Variants in CDH13 observed in about 807,000 individuals in gnomAD.
CDH13 encodes the protein cadherin-13.
CDH13 carries 24 observed loss-of-function variants against 63.8 expected under a neutral mutation model. That is an observed-to-expected ratio of 0.38 (90% CI 0.27 to 0.53). CDH13 has a LOEUF of 0.53. Ranked by LOEUF, CDH13 falls within the 20% of genes least tolerant of loss-of-function variation. CDH13 has a pLI of 0.85. For synonymous variants in CDH13, 503 were observed against 355.3 expected, an observed-to-expected ratio of 1.42 and a Z score of -4.67; for missense variants, 1,049 against 903.1, an observed-to-expected ratio of 1.16 and a Z score of -2.07.
chr16:83,461,419 C>G (rs1222021036), intron 6 of CDH13, among the ~76,000 whole-genome samples: 1 of 152,102 alleles, frequency 6.6e-6, no homozygotes, highest in Non-Finnish European at 1.5e-5. Context: ...AAGGCATGGA[C>G]AAGCTCCAGC....
intron 5 of CDH13, among the ~76,000 whole-genome samples, chr16:83,260,090 C>T (rs1378629923): frequency 1.7e-5 from 2 of 120,976 alleles, no homozygotes; most frequent in East Asian, 2.5e-4. Flanking sequence ...TAACCATGTA[C>T]CCCCAATACA....
At position 82,820,030 on chromosome 16, in the gene CDH13, C is replaced by T. The variant is rs371671132; in HGVS notation, c.46-38332C>T. Reference sequence around the variant, plus strand: ...AGTAGAGGAGAACACAGCAGTCAGACGAGCCAGGAGGGTTCCTGGCTGTTC... The same window carrying T: ...AGTAGAGGAGAACACAGCAGTCAGATGAGCCAGGAGGGTTCCTGGCTGTTC... On this transcript the variant is annotated intron_variant, in intron 1 of 13. Transcript: ENST00000567109. 2.7e-3 allele frequency among the ~76,000 whole-genome samples: 417 copies of T among 152,160 alleles called. 2 individuals are homozygous for T. The highest frequency in any genetic ancestry group is 0.01 in the South Asian group (49 of 4,812).
intron 1 of CDH13, among the ~76,000 whole-genome samples, chr16:82,847,827 T>C (rs945564419): frequency 6.6e-6 from 1 of 152,172 alleles, no homozygotes; most frequent in African/African-American, 2.4e-5. Context: ...CAGCCAGAAT[T>C]TGGACTTAGG....
At chr16:83,172,158 T>G (rs2037946580) in intron 4 of CDH13, among the ~76,000 whole-genome samples, 1 of 152,080 alleles carries the variant, frequency 6.6e-6, no homozygotes, top group Non-Finnish European at 1.5e-5. Context: ...AAGAGAAATT[T>G]GGAGATAGAC....
intron 2 of CDH13, among the ~76,000 whole-genome samples, chr16:82,942,709 A>G (rs1475497316): frequency 3.3e-5 from 5 of 152,180 alleles, no homozygotes; most frequent in Non-Finnish European, 7.3e-5. Flanking sequence ...GAAGAAGTCA[A>G]ATAACCTCAT....
At chr16:83,523,714 C>T (rs139585761) in intron 7 of CDH13, among the ~76,000 whole-genome samples, 23 of 152,266 alleles carry the variant, frequency 1.5e-4, no homozygotes, top group African/African-American at 4.3e-4. Flanking sequence ...TGGGCATGTC[C>T]GGTTGCACAT....
intron 6 of CDH13, among the ~76,000 whole-genome samples, chr16:83,468,804 G>T (rs1162354053): frequency 6.6e-6 from 1 of 152,162 alleles, no homozygotes; most frequent in Non-Finnish European, 1.5e-5. Flanking sequence ...TGCAGAATGT[G>T]CAGGTTTCTT....
chr16:83,669,692 T>G (rs1458499317), intron 8 of CDH13, among the ~76,000 whole-genome samples: 1 of 152,224 alleles, frequency 6.6e-6, no homozygotes, highest in Non-Finnish European at 1.5e-5. Context: ...ATTAATGATT[T>G]CCAAGTCAAT....
chr16:83,141,801 A>G (rs2036540298), intron 4 of CDH13, among the ~76,000 whole-genome samples: 2 of 152,218 alleles, frequency 1.3e-5, no homozygotes, highest in Non-Finnish European at 1.5e-5. Flanking sequence ...TTTGCTGAGA[A>G]TGATGGCTTC....
intron 10 of CDH13, among the ~76,000 whole-genome samples, chr16:83,744,489 TGTGGAAGCCCTGC>T (rs541286120): frequency 8.5e-4 from 130 of 152,370 alleles, no homozygotes; most frequent in African/African-American, 3.0e-3. Flanking sequence ...AGCAAGGGCA[TGTGGAAGCCCTGC>T]GTTCGCCTCA....
intron 2 of CDH13, among the ~76,000 whole-genome samples, chr16:82,880,413 C>T (rs1359265359): frequency 6.6e-6 from 1 of 152,184 alleles, no homozygotes; most frequent in Non-Finnish European, 1.5e-5. Flanking sequence ...TTGAATGTTT[C>T]ACCTGCCGAG....
intron 6 of CDH13, among the ~76,000 whole-genome samples, chr16:83,369,593 A>T (rs1047283799): frequency 6.6e-6 from 1 of 151,902 alleles, no homozygotes; most frequent in African/African-American, 2.4e-5. Context: ...CAATTTTTTT[A>T]AATTTATTTT....
intron 1 of CDH13, among the ~76,000 whole-genome samples, chr16:82,669,863 A>G (rs1041328851): frequency 1.3e-5 from 2 of 152,216 alleles, no homozygotes; most frequent in African/African-American, 2.4e-5. Context: ...ATGGATCTCT[A>G]TAAGGCAGCT....
intron 2 of CDH13, among the ~76,000 whole-genome samples, chr16:83,020,970 C>T (rs1303381930): frequency 2.6e-5 from 4 of 152,198 alleles, no homozygotes; most frequent in Non-Finnish European, 4.4e-5. Flanking sequence ...TTAATTTACC[C>T]TTGAGATGCA....
At chr16:83,630,043 G>T (rs1226866258) in intron 8 of CDH13, among the ~76,000 whole-genome samples, 1 of 152,202 alleles carries the variant, frequency 6.6e-6, no homozygotes, top group Non-Finnish European at 1.5e-5. Context: ...CAGGCTGGCA[G>T]ACAGGCATTT....
rs186809297 is a variant in CDH13 at position 83,439,462 on chromosome 16, C to G, written c.782-47015C>G. On this transcript the variant is annotated intron_variant, in intron 6 of 13. Transcript: ENST00000567109. ...GGGCTTGCATTATTAGCTGCTTTGG[C>G]GGAAGGGTCACAAAACTGAACCATT... Among the ~76,000 whole-genome samples the G allele has an allele frequency of 2.2e-3, 342 of 152,244 alleles. 1 individual carries two copies. Among genetic ancestry groups the G allele is most frequent in the Non-Finnish European group, 3.2e-3 (218 of 68,020 alleles).
chr16:83,732,763 C>G (rs1246438912), intron 10 of CDH13, among the ~76,000 whole-genome samples: 1 of 152,182 alleles, frequency 6.6e-6, no homozygotes, highest in Non-Finnish European at 1.5e-5. Flanking sequence ...ACCAGGGGCA[C>G]CAAACCCAAC....
intron 7 of CDH13, among the ~76,000 whole-genome samples, chr16:83,524,525 T>G (rs1240565099): frequency 7.0e-6 from 1 of 143,488 alleles, no homozygotes; most frequent in African/African-American, 2.6e-5. Context: ...CGCTCTCGGC[T>G]TACTGCAAGC....
chr16:83,794,398 C>G (rs773587858), intron 13 of CDH13, among the ~76,000 whole-genome samples: 3 of 151,858 alleles, frequency 2.0e-5, no homozygotes, highest in Admixed American at 1.3e-4. Flanking sequence ...ATAAAAAATG[C>G]AAAAATTAGC....
Sources: allele counts gnomAD v4.1 joint callset (sites outside exome capture counted in the v4.1 genomes callset), GRCh38; gene constraint gnomAD v4.1.1; transcripts MANE v1.5; gene names NCBI Gene and HGNC (gene_info 2026-07-23, HGNC 2026-07-21).